RUFY2: variants seen among roughly 807,000 people sequenced by gnomAD.
The protein encoded by RUFY2 is RUN and FYVE domain containing 2.
In RUFY2, 49 loss-of-function variants were observed where a neutral mutation model predicts 94.4. The observed-to-expected ratio is 0.52, with a 90% CI of 0.41 to 0.66. The LOEUF (loss-of-function observed/expected upper bound fraction) is 0.66. RUFY2 is among the 30% of genes least tolerant of loss of function. The pLI, the probability that RUFY2 is intolerant of heterozygous loss-of-function variation, is 0.00. For synonymous variants in RUFY2, 255 were observed against 235.7 expected (o/e 1.08, Z -0.75); for missense variants, 541 against 692.8 (o/e 0.78, Z 2.46).
At chr10:68,402,783 C>T (rs1033883528) in intron 2 of RUFY2, among the ~76,000 whole-genome samples, 19 of 148,620 alleles carry the variant, frequency 1.3e-4, no homozygotes, top group African/African-American at 4.2e-4. Flanking sequence ...AAATATCGCA[C>T]AGCTATTAAT....
chr10:68,396,776 T>A lies in RUFY2; in HGVS notation c.398+4A>T, dbSNP rs1421336003. 1 of 1,594,974 alleles carries A rather than the reference T, an allele frequency of 6.3e-7. No individual in the cohort carries two copies. Among genetic ancestry groups the A allele is most frequent in the Admixed American group, 1.7e-5 (1 of 59,658 alleles). ...TGAAAAGATCACGACTTAATAGTAC[T>A]AACCTCAAGAGATCCCTCTGAATAA... On this transcript the variant is annotated splice_donor_region_variant and intron_variant, in intron 4 of 17. Coordinates refer to ENST00000602465, the MANE Select transcript of RUFY2 (RefSeq NM_001330103.2).
At chr10:68,381,152 C>T (rs2049033357) in intron 11 of RUFY2, 80 bp downstream of exon 11, 3 of 1,051,238 alleles carry the variant, frequency 2.9e-6, no homozygotes, top group Admixed American at 2.6e-5. Context: ...ATAAAATGGG[C>T]TCATCTCTTA....
rs181361731 is a variant in RUFY2, at chr10:68,356,995, C to T, written c.1551-1594G>A. Reference sequence around the variant, plus strand: ...CCTGGCCAACATGGTGAAACCCCATCTCTACTAAAAATACCAAAAAAATTA... The same window carrying T: ...CCTGGCCAACATGGTGAAACCCCATTTCTACTAAAAATACCAAAAAAATTA... On this transcript the variant is annotated intron_variant, in intron 15 of 17. Transcript: ENST00000602465. 7.8e-3 allele frequency among the ~76,000 whole-genome samples: 1,190 copies of T among 151,630 alleles called. 27 individuals carry two copies. Among genetic ancestry groups the T allele is most frequent in the African/African-American group, 0.028 (1,150 of 41,462 alleles).
intron 7 of RUFY2, among the ~76,000 whole-genome samples, chr10:68,389,268 A>G (rs959789741): frequency 1.6e-4 from 24 of 152,314 alleles, no homozygotes; most frequent in African/African-American, 5.3e-4. Context: ...TGATTAACAC[A>G]CATGATTTAA....
intron 13 of RUFY2, among the ~76,000 whole-genome samples, chr10:68,369,662 C>T (rs1005613786): frequency 2.0e-5 from 3 of 152,140 alleles, no homozygotes; most frequent in Non-Finnish European, 4.4e-5. Context: ...TGGCTGACAC[C>T]TGTAATCCAA....
intron 12 of RUFY2, chr10:68,378,540 T>C: frequency 2.0e-6 from 3 of 1,534,366 alleles, no homozygotes; most frequent in East Asian, 2.3e-5. Context: ...TTTCATTTAG[T>C]CTGTTTAAAT....
chr10:68,394,000 T>C, intron 6 of RUFY2, 75 bp downstream of exon 6: 4 of 1,450,564 alleles, frequency 2.8e-6, no homozygotes, highest in Non-Finnish European at 3.7e-6. Context: ...ACACTGTAAA[T>C]AGATGGATCT....
At chr10:68,386,395 G>A (rs2049497077) in intron 7 of RUFY2, among the ~76,000 whole-genome samples, 2 of 152,126 alleles carry the variant, frequency 1.3e-5, no homozygotes, top group Non-Finnish European at 2.9e-5. Context: ...TGTTGCCCAG[G>A]CTGGAGTGCA....
At chr10:68,368,019 G>T (rs1397547441) in intron 13 of RUFY2, among the ~76,000 whole-genome samples, 1 of 150,082 alleles carries the variant, frequency 6.7e-6, no homozygotes, top group African/African-American at 2.5e-5. Context: ...AGGCTGGAGT[G>T]AAGTGGCGTG....
intron 15 of RUFY2, among the ~76,000 whole-genome samples, chr10:68,358,533 G>A (rs572927102): frequency 6.6e-6 from 1 of 152,324 alleles, no homozygotes; most frequent in South Asian, 2.1e-4. Flanking sequence ...CTTGGGAATA[G>A]TGGCCACAAC....
At chr10:68,364,767 T>G (rs532413517) in intron 13 of RUFY2, among the ~76,000 whole-genome samples, 2 of 151,902 alleles carry the variant, frequency 1.3e-5, no homozygotes, top group Non-Finnish European at 2.9e-5. Context: ...GTTGCCAGGC[T>G]GGACTCAAAC....
At chr10:68,382,822 G>C (rs919551852) in intron 10 of RUFY2, among the ~76,000 whole-genome samples, 47 of 152,010 alleles carry the variant, frequency 3.1e-4, no homozygotes, top group African/African-American at 1.0e-3. Flanking sequence ...TGGAGGTTAC[G>C]CAGGTTATTT....
At chr10:68,385,416 CAAA>C (rs1564830900) in intron 8 of RUFY2, among the ~76,000 whole-genome samples, 1 of 151,622 alleles carries the variant, frequency 6.6e-6, no homozygotes, top group Non-Finnish European at 1.5e-5. Context: ...AGCAACTCTA[CAAA>C]AAAGAGAGCT....
At chr10:68,401,779 A>G (rs1161703711) in intron 2 of RUFY2, 42 bp from the exon 3 acceptor site, 2 of 1,098,592 alleles carry the variant, frequency 1.8e-6, no homozygotes, top group Non-Finnish European at 1.4e-6. Context: ...TCAACATAAA[A>G]AACTGTAGTA....
chr10:68,388,918 G>A (rs1319294544), intron 7 of RUFY2, among the ~76,000 whole-genome samples: 3 of 151,950 alleles, frequency 2.0e-5, no homozygotes, highest in African/African-American at 7.3e-5. Context: ...TTTAGAAGCA[G>A]GGTCTCATCT....
At chr10:68,363,367 G>A (rs2047586555) in intron 15 of RUFY2, among the ~76,000 whole-genome samples, 1 of 152,120 alleles carries the variant, frequency 6.6e-6, no homozygotes. Context: ...AGTAAAGACA[G>A]GGTTTCACCA....
intron 1 of RUFY2, 107 bp downstream of exon 1, chr10:68,407,079 G>A (rs2051384834): frequency 6.7e-6 from 10 of 1,495,720 alleles, no homozygotes; most frequent in Non-Finnish European, 8.8e-6. Flanking sequence ...CCCCAGTTCC[G>A]ACTGGCGGCC....
chr10:68,386,121 CTG>C lies in RUFY2; in HGVS notation c.656_657del (p.Thr219SerfsTer9). Reference protein sequence around the residue: ...VEELNRQLNSTVSSLHSRVDS... With the variant: ...VEELNRQLNSXVSSLHSRVDS... ...TCAACTCTTGAATGGAGGCTGCTGA[CTG>C]TGCTGCTGAAATTAAGAAACAAAAA... On this transcript the variant is annotated frameshift_variant, in exon 8 of 18. Transcript: ENST00000602465. LOFTEE classifies it high-confidence loss of function. The C allele has an allele frequency of 1.2e-6, 2 of 1,607,980 alleles. No individual in the cohort carries two copies. The highest frequency in any genetic ancestry group is 2.2e-5 in the South Asian group (2 of 89,690).
downstream of RUFY2, chr10:68,342,224 G>T: frequency 1.9e-6 from 1 of 524,858 alleles, no homozygotes; most frequent in Non-Finnish European, 3.4e-6. Flanking sequence ...TTTTCTGTAG[G>T]TTTATTTGTT....
Sources: gnomAD v4.1 joint callset for allele counts (sites outside exome capture counted in the v4.1 genomes callset) on GRCh38, gnomAD v4.1.1 for gene constraint, MANE v1.5 for transcripts, NCBI Gene and HGNC (gene_info 2026-07-23, HGNC 2026-07-21) for gene names.